EPB41L3: variants seen among roughly 807,000 people sequenced by gnomAD.
The protein encoded by EPB41L3 is band 4.1-like protein 3.
Under a neutral mutation model 127.1 loss-of-function variants are expected in EPB41L3, and 57 were observed. That is an observed-to-expected ratio of 0.45 (90% CI 0.36 to 0.56). The LOEUF is 0.56. EPB41L3 is among the 20% of genes least tolerant of loss of function. The pLI is 0.00. For synonymous variants in EPB41L3, 572 were observed against 549.5 expected (o/e 1.04, Z -0.57); for missense variants, 1,273 against 1,372.2 (o/e 0.93, Z 1.14).
At chr18:5,623,418 T>C (rs1448233795) in intron 1 of EPB41L3, among the ~76,000 whole-genome samples, 1 of 152,212 alleles carries the variant, frequency 6.6e-6, no homozygotes, top group Non-Finnish European at 1.5e-5. Context: ...CGGTACTTGA[T>C]CATGCCTGTT....
At chr18:5,432,674 A>G (rs1349011079) in intron 8 of EPB41L3, among the ~76,000 whole-genome samples, 2 of 152,236 alleles carry the variant, frequency 1.3e-5, no homozygotes, top group Non-Finnish European at 2.9e-5. Context: ...AGATTCCAGG[A>G]AAAGCATGAC....
upstream of EPB41L3, chr18:5,544,109 A>C (rs1418400189): frequency 2.6e-5 from 26 of 985,522 alleles, no homozygotes; most frequent in Non-Finnish European, 3.0e-5. Context: ...ACGCCCAGAG[A>C]CCGTGCGAGG....
intron 16 of EPB41L3, among the ~76,000 whole-genome samples, chr18:5,402,934 CATCTAGCTCAAGGA>C (rs2074749329): frequency 6.6e-6 from 1 of 152,156 alleles, no homozygotes; most frequent in African/African-American, 2.4e-5. Context: ...CTATAGTAAT[CATCTAGCTCAAGGA>C]ATTACTGTAC....
At chr18:5,473,860 T>C (rs2086627740) in intron 3 of EPB41L3, among the ~76,000 whole-genome samples, 1 of 152,120 alleles carries the variant, frequency 6.6e-6, no homozygotes, top group African/African-American at 2.4e-5. Context: ...TTCTCAAAAA[T>C]ATATATCAAG....
upstream of EPB41L3, chr18:5,630,236 C>A: frequency 2.7e-6 from 1 of 374,302 alleles, no homozygotes; most frequent in Non-Finnish European, 5.1e-6. Flanking sequence ...AGCCCCCGGT[C>A]GGGCCAGCCT....
intron 1 of EPB41L3, among the ~76,000 whole-genome samples, chr18:5,623,621 C>T (rs2094889741): frequency 6.6e-6 from 1 of 151,710 alleles, no homozygotes; most frequent in African/African-American, 2.4e-5. Flanking sequence ...ATATAGTATA[C>T]ACATGAGGAA....
chr18:5,394,295 T>C (rs1359894136), intron 22 of EPB41L3: 4 of 166,892 alleles, frequency 2.4e-5, no homozygotes, highest in Non-Finnish European at 3.9e-5. Flanking sequence ...AACACACAAA[T>C]TGAGCCTCTC....
At chr18:5,414,104 T>C (rs560521140) in intron 13 of EPB41L3, among the ~76,000 whole-genome samples, 1 of 152,318 alleles carries the variant, frequency 6.6e-6, no homozygotes, top group Admixed American at 6.5e-5. Flanking sequence ...CTAACTCGAC[T>C]GTTAAAGGAA....
At chr18:5,532,913 A>G (rs1274931763) in intron 1 of EPB41L3, among the ~76,000 whole-genome samples, 1 of 152,204 alleles carries the variant, frequency 6.6e-6, no homozygotes, top group Non-Finnish European at 1.5e-5. Flanking sequence ...CAACTCTTAA[A>G]TAAGAGCATG....
chr18:5,600,038 G>C (rs973545334), intron 3 of EPB41L3, among the ~76,000 whole-genome samples: 3 of 152,130 alleles, frequency 2.0e-5, no homozygotes, highest in African/African-American at 7.2e-5. Flanking sequence ...CTTAGTGGCT[G>C]CTAAGTAAAC....
At chr18:5,546,826 G>A (rs1038591133), upstream of EPB41L3, among the ~76,000 whole-genome samples, 6 of 152,124 alleles carry the variant, frequency 3.9e-5, no homozygotes, top group African/African-American at 1.4e-4. Context: ...TGAATCCCAT[G>A]CAGGATCCTC....
chr18:5,523,159 C>T (rs977901172), intron 1 of EPB41L3, among the ~76,000 whole-genome samples: 2 of 152,140 alleles, frequency 1.3e-5, no homozygotes, highest in South Asian at 4.1e-4. Context: ...CACAAAGTCC[C>T]TGAAAACAGT....
chr18:5,419,840 G>T lies in EPB41L3; in HGVS notation c.1377C>A (p.Ile459=). The T allele has an allele frequency of 1.2e-6, 2 of 1,614,206 alleles. No homozygotes were observed. Among genetic ancestry groups the T allele is most frequent in the Non-Finnish European group, 1.7e-6 (2 of 1,180,034 alleles). Reference sequence around the variant, plus strand: ...CAGTGGTGATCAAGTTGGTCTGAGAGATGCCTTTTGTTGTGGCGTACTGGC... The same window carrying T: ...CAGTGGTGATCAAGTTGGTCTGAGATATGCCTTTTGTTGTGGCGTACTGGC... ...GTGQYATTKG[I]SQTNLITTVT... is the part of the protein sequence containing the mutation. The change falls in exon 12 of 23, where the codon ATC becomes ATA. Residue 459 remains isoleucine (I), a synonymous_variant. Transcript: ENST00000341928.
intron 3 of EPB41L3, chr18:5,463,862 G>C (rs1291543498): frequency 6.6e-6 from 1 of 152,244 alleles, no homozygotes; most frequent in Non-Finnish European, 1.5e-5. Context: ...TGCGGTTGTA[G>C]GCTACTATGT....
chr18:5,531,670 G>A (rs529826700), intron 1 of EPB41L3, among the ~76,000 whole-genome samples: 142 of 147,004 alleles, frequency 9.7e-4, no homozygotes, highest in Non-Finnish European at 1.5e-3. Context: ...TAGAGGTTGC[G>A]GTGAGCCAAG....
Position 5,445,140 on chromosome 18 carries a change from C to T in EPB41L3, c.486G>A (p.Lys162=), listed in dbSNP as rs1394819609. ...GLTYRDAENQ[K]NWLDPAKEIK... ...TTTTGCATTGCTTTTGATCACTCACCTTCTGGTTTTCAGCATCTCGATACG... is the reference window on the plus strand; with the variant it reads ...TTTTGCATTGCTTTTGATCACTCACTTTCTGGTTTTCAGCATCTCGATACG... The change falls in exon 4 of 23, where the codon AAG becomes AAA. Residue 162 remains lysine, a splice_region_variant and synonymous_variant. Coordinates refer to ENST00000341928, the MANE Select transcript of EPB41L3 (RefSeq NM_012307.5). 1.1e-5 allele frequency: 18 copies of T among 1,613,028 alleles called. No homozygotes were observed. The highest frequency in any genetic ancestry group is 1.5e-5 in the Non-Finnish European group (18 of 1,179,128).
intron 1 of EPB41L3, among the ~76,000 whole-genome samples, chr18:5,489,892 C>G (rs2090384938): frequency 6.6e-6 from 1 of 152,174 alleles, no homozygotes; most frequent in South Asian, 2.1e-4. Flanking sequence ...GTAAATTTAT[C>G]TCATATCTCA....
chr18:5,522,948 T>G (rs2093056469), intron 1 of EPB41L3, among the ~76,000 whole-genome samples: 1 of 152,174 alleles, frequency 6.6e-6, no homozygotes, highest in African/African-American at 2.4e-5. Flanking sequence ...TTTTGCAACA[T>G]GGCTGCAATA....
chr18:5,489,124 C>T lies in EPB41L3; in HGVS notation c.60G>A (p.Gln20=). ...ESKPDQEAEP[Q]EAAGAQGRAG... ...CGCGCCCCTGCGCCCCCGCCGCCTC[C>T]TGGGGCTCGGCCTCCTGGTCCGGCT... Residue 20 remains glutamine, a synonymous_variant, in exon 2 of 23, where the codon CAG becomes CAA. Coordinates refer to ENST00000341928, the MANE Select transcript of EPB41L3 (RefSeq NM_012307.5). 6.3e-7 allele frequency: 1 copy of T among 1,594,896 alleles called. No homozygotes were observed. The highest frequency in any genetic ancestry group is 1.1e-5 in the South Asian group (1 of 89,240).
Sources: allele counts gnomAD v4.1 joint callset (sites outside exome capture counted in the v4.1 genomes callset), GRCh38; gene constraint gnomAD v4.1.1; transcripts MANE v1.5; gene names NCBI Gene and HGNC (gene_info 2026-07-23, HGNC 2026-07-21).